Variants in TNFSF4 observed in about 807,000 individuals in gnomAD.
TNFSF4 encodes the protein tumor necrosis factor ligand superfamily member 4.
In TNFSF4, 4 loss-of-function variants were observed where a neutral mutation model predicts 7.3. The observed-to-expected ratio is 0.55, with a 90% CI of 0.27 to 1.25. The LOEUF is 1.25. Ranked by LOEUF, TNFSF4 falls within the 50% of genes most tolerant of loss-of-function variation. The pLI is 0.12. For synonymous variants in TNFSF4, 76 were observed against 83.7 expected (o/e 0.91, Z 0.50); for missense variants, 181 against 208.8 (o/e 0.87, Z 0.82).
the TNFSF4 span, among the ~76,000 whole-genome samples, chr1:173,359,510 T>TAAAAA: frequency 4.6e-3 from 561 of 122,562 alleles, 26 homozygotes; most frequent in African/African-American, 8.9e-3. Flanking sequence ...TTACCAGCTG[T>TAAAAA]AAAAAAAAAA....
At chr1:173,357,549 G>A in the TNFSF4 span, among the ~76,000 whole-genome samples, 2 of 144,766 alleles carry the variant, frequency 1.4e-5, no homozygotes, top group Middle Eastern at 3.5e-3. Flanking sequence ...TTTTTTTTTT[G>A]AGATGGAGTT....
the TNFSF4 span, among the ~76,000 whole-genome samples, chr1:173,394,802 C>G: frequency 6.6e-6 from 1 of 152,094 alleles, no homozygotes; most frequent in Non-Finnish European, 1.5e-5. Context: ...GGTCCTTTGC[C>G]ACCTCCAGTC....
At chr1:173,388,863 G>A in the TNFSF4 span, among the ~76,000 whole-genome samples, 4 of 151,820 alleles carry the variant, frequency 2.6e-5, no homozygotes, top group Non-Finnish European at 5.9e-5. Context: ...AAAAATTCTT[G>A]GGCCTCTTTA....
chr1:173,444,063 C>T, the TNFSF4 span, among the ~76,000 whole-genome samples: 3 of 152,334 alleles, frequency 2.0e-5, no homozygotes, highest in South Asian at 4.1e-4. Flanking sequence ...AAACACAACA[C>T]TACCAAATTC....
chr1:173,414,109 T>C, the TNFSF4 span, among the ~76,000 whole-genome samples: 2 of 152,218 alleles, frequency 1.3e-5, no homozygotes, highest in Non-Finnish European at 2.9e-5. Context: ...ATTGTACTAG[T>C]GTGCTCAGGC....
the TNFSF4 span, among the ~76,000 whole-genome samples, chr1:173,384,016 T>C: frequency 8.1e-3 from 1,230 of 152,338 alleles, 11 homozygotes; most frequent in African/African-American, 0.028. Flanking sequence ...ACCCCCCATT[T>C]TCTGGTAGGT....
chr1:173,199,730 T>C (rs1160156719), intron 1 of TNFSF4, among the ~76,000 whole-genome samples: 1 of 152,206 alleles, frequency 6.6e-6, no homozygotes, highest in Non-Finnish European at 1.5e-5. Context: ...TCTTCATGGT[T>C]GAATAGGTAT....
At chr1:173,356,516 T>C in the TNFSF4 span, among the ~76,000 whole-genome samples, 2 of 152,220 alleles carry the variant, frequency 1.3e-5, no homozygotes, top group Non-Finnish European at 2.9e-5. Flanking sequence ...ATCATTTGAC[T>C]ATTCTGGTTT....
the TNFSF4 span, among the ~76,000 whole-genome samples, chr1:173,385,307 C>T: frequency 6.6e-6 from 1 of 152,190 alleles, no homozygotes; most frequent in Non-Finnish European, 1.5e-5. Flanking sequence ...AGGGCAAATA[C>T]TGCCTTCTAG....
At chr1:173,251,164 CG>C in the TNFSF4 span, among the ~76,000 whole-genome samples, 1 of 152,258 alleles carries the variant, frequency 6.6e-6, no homozygotes, top group South Asian at 2.1e-4. Flanking sequence ...ACTATAAAGC[CG>C]CCAGGTGTTT....
the TNFSF4 span, among the ~76,000 whole-genome samples, chr1:173,258,709 G>A: frequency 6.6e-6 from 1 of 152,136 alleles, no homozygotes; most frequent in Admixed American, 6.6e-5. Flanking sequence ...TTCCCCACAG[G>A]GCAGCACAGC....
chr1:173,199,110 T>C (rs1649835515), intron 1 of TNFSF4, among the ~76,000 whole-genome samples: 1 of 152,230 alleles, frequency 6.6e-6, no homozygotes. Context: ...CCAGTGCTTA[T>C]CATACGCTAT....
At chr1:173,404,360 G>A in the TNFSF4 span, among the ~76,000 whole-genome samples, 1 of 152,198 alleles carries the variant, frequency 6.6e-6, no homozygotes, top group Non-Finnish European at 1.5e-5. Flanking sequence ...CCCACAGGGA[G>A]TAACTCAGAG....
chr1:173,233,723 T>C, the TNFSF4 span, among the ~76,000 whole-genome samples: 12 of 152,188 alleles, frequency 7.9e-5, no homozygotes, highest in Non-Finnish European at 1.6e-4. Flanking sequence ...AATGAAAAAT[T>C]CGAAAGACTA....
chr1:173,322,072 G>A, the TNFSF4 span, among the ~76,000 whole-genome samples: 67,719 of 152,034 alleles, frequency 0.45, 16,585 homozygotes, highest in East Asian at 0.72. Context: ...CCCAAACGCC[G>A]ATTAATAATA....
the TNFSF4 span, among the ~76,000 whole-genome samples, chr1:173,325,476 A>T: frequency 6.6e-6 from 1 of 152,200 alleles, no homozygotes; most frequent in Non-Finnish European, 1.5e-5. Flanking sequence ...AAGAGCAAAC[A>T]CATTCAAAAG....
At chr1:173,328,563 C>G in the TNFSF4 span, among the ~76,000 whole-genome samples, 1 of 150,228 alleles carries the variant, frequency 6.7e-6, no homozygotes, top group Non-Finnish European at 1.5e-5. Context: ...AGTTTACCCC[C>G]CCCCAAAAAA....
chr1:173,223,144 C>G, the TNFSF4 span, among the ~76,000 whole-genome samples: 1 of 152,116 alleles, frequency 6.6e-6, no homozygotes, highest in Non-Finnish European at 1.5e-5. Context: ...CTTTTTTAAG[C>G]CTTAATTTTC....
the TNFSF4 span, among the ~76,000 whole-genome samples, chr1:173,226,190 A>G: frequency 6.6e-6 from 1 of 152,202 alleles, no homozygotes. Context: ...GAAACAGATT[A>G]TCAGTTTTCC....
Sources: gnomAD v4.1 joint callset for allele counts (sites outside exome capture counted in the v4.1 genomes callset) on GRCh38, gnomAD v4.1.1 for gene constraint, MANE v1.5 for transcripts, NCBI Gene and HGNC (gene_info 2026-07-23, HGNC 2026-07-21) for gene names.